The following INO80 variants were observed in gnomAD, a reference collection of about 807,000 sequenced individuals.
The protein encoded by INO80 is INO80 complex ATPase subunit, also known as chromatin-remodeling ATPase INO80.
A neutral mutation model predicts 203.4 loss-of-function variants in INO80; 20 were observed. The ratio of observed to expected loss-of-function variants is 0.10; its 90% CI spans 0.07 to 0.14. INO80 has a LOEUF of 0.14. Ranked by LOEUF, INO80 falls within the 10% of genes least tolerant of loss-of-function variation. INO80 has a pLI of 1.00. For synonymous variants in INO80, 726 were observed against 685.2 expected (o/e 1.06, Z -0.93); for missense variants, 1,419 against 1,914.4 (o/e 0.74, Z 4.83).
chr15:41,079,067 AG>A (rs2140621597), intron 9 of INO80, among the ~76,000 whole-genome samples: 1 of 152,250 alleles, frequency 6.6e-6, no homozygotes, highest in African/African-American at 2.4e-5. Context: ...TGAATGTGGG[AG>A]GCAAAGGTTG....
At position 40,985,362 on chromosome 15, in the gene INO80, CCGCTTG is replaced by C. The variant is rs776926795; in HGVS notation, c.3891_3896del (p.Lys1300_Arg1301del). The C allele has an allele frequency of 6.2e-7, 1 of 1,614,028 alleles. No individual in the cohort carries two copies. The highest frequency in any genetic ancestry group is 1.1e-5 in the South Asian group (1 of 91,072). Reference sequence around the variant, plus strand: ...CCTTCTCTGCATACTTTTCCCGCTTCCGCTTGCGCTCTTTCACTCGGTTGGTTTCCT... The same window carrying C: ...CCTTCTCTGCATACTTTTCCCGCTTCCGCTCTTTCACTCGGTTGGTTTCCT... On this transcript the variant is annotated inframe_deletion, in exon 32 of 36. Transcript: ENST00000648947.
At chr15:41,081,830 C>A (rs1566941930) in intron 7 of INO80, among the ~76,000 whole-genome samples, 1 of 152,112 alleles carries the variant, frequency 6.6e-6, no homozygotes, top group East Asian at 1.9e-4. Context: ...AAAGCCATTT[C>A]TTTAATGTTT....
intron 24 of INO80, among the ~76,000 whole-genome samples, chr15:41,029,013 T>C (rs924255179): frequency 2.6e-5 from 4 of 152,238 alleles, no homozygotes; most frequent in Non-Finnish European, 5.9e-5. Context: ...CCTTCCTCAG[T>C]ATGTTATTCG....
rs368182139 is a variant in INO80 at position 40,983,821 on chromosome 15, T to G, written c.4178A>C (p.Gln1393Pro). ...TGCGGGAGAGTTGGTAGCTCGAGAC[T>G]GAGGGGCTGAGGAGGCTGGGTCATC... is the stretch of plus-strand genomic sequence containing the variant. The part of the protein sequence containing the change: ...IVDDPASSAP[Q>P]SRATNSPASI... The change falls in exon 34 of 36, where the codon CAG becomes CCG. Residue 1393 changes from glutamine to proline, a missense_variant. Transcript: ENST00000648947. The G allele has an allele frequency of 2.5e-5, 41 of 1,612,886 alleles. No individual in the cohort carries two copies. In the African/African-American group the frequency reaches 4.9e-4, roughly 19 times the overall value.
intron 26 of INO80, chr15:41,017,909 C>A (rs1252184852): frequency 2.6e-5 from 4 of 152,184 alleles, no homozygotes; most frequent in Admixed American, 1.3e-4. Flanking sequence ...AAGCCCTCTC[C>A]CTGGCACCAG....
intron 4 of INO80, among the ~76,000 whole-genome samples, chr15:41,092,425 C>T (rs2045658982): frequency 6.6e-6 from 1 of 152,084 alleles, no homozygotes; most frequent in Non-Finnish European, 1.5e-5. Flanking sequence ...GCTAAAAATT[C>T]CTCTGAATAC....
rs553796456 is a variant in INO80 at position 41,055,368 on chromosome 15, T to C, written c.2071-4A>G. The C allele has an allele frequency of 6.3e-7, 1 of 1,585,268 alleles. No homozygotes were observed. Among genetic ancestry groups the C allele is most frequent in the Admixed American group, 1.7e-5 (1 of 59,216 alleles). Reference sequence around the variant, plus strand: ...TGAAATGCAGCAGAGCCCAAAGCTGTAAACAAAGACAAAAATGAAATAGCT... The same window carrying C: ...TGAAATGCAGCAGAGCCCAAAGCTGCAAACAAAGACAAAAATGAAATAGCT... On this transcript the variant is annotated splice_polypyrimidine_tract_variant and splice_region_variant and intron_variant, in intron 17 of 35. Transcript: ENST00000648947.
At chr15:41,068,523 T>G (rs769461173) in intron 14 of INO80, among the ~76,000 whole-genome samples, 6 of 151,602 alleles carry the variant, frequency 4.0e-5, no homozygotes, top group Non-Finnish European at 5.9e-5. Context: ...TTTGCACCAT[T>G]ACACTCTAGC....
At chr15:40,981,681 CTCTT>C (rs1893837246) in intron 35 of INO80, among the ~76,000 whole-genome samples, 1 of 152,200 alleles carries the variant, frequency 6.6e-6, no homozygotes, top group South Asian at 2.1e-4. Context: ...AAGTGGCTCT[CTCTT>C]TCTCACCACA....
chr15:41,019,933 T>C (rs2044264891), intron 26 of INO80, among the ~76,000 whole-genome samples: 1 of 152,166 alleles, frequency 6.6e-6, no homozygotes, highest in African/African-American at 2.4e-5. Context: ...GTAAAAGGGA[T>C]ATAGTTGGCC....
At position 41,106,605 on chromosome 15, in the gene INO80, G is replaced by A. The variant is rs2045884126; in HGVS notation, c.-44+9368C>T. 2.0e-5 allele frequency among the ~76,000 whole-genome samples: 3 copies of A among 152,000 alleles called. No homozygotes were observed. The South Asian group carries it at 6.2e-4, about 32-fold the overall frequency. ...AGCATGCCATTGCACTCCAGCCTGG[G>A]TGACAGGGCAAGACCCCTGTCTCAA... On this transcript the variant is annotated intron_variant, in intron 1 of 35. Transcript: ENST00000648947.
chr15:41,100,356 G>T (rs1235721935), intron 1 of INO80, among the ~76,000 whole-genome samples: 1 of 152,148 alleles, frequency 6.6e-6, no homozygotes, highest in Non-Finnish European at 1.5e-5. Flanking sequence ...TTACAGGTGT[G>T]AGCCACTGTG....
rs564922126 is a variant in INO80 at position 41,020,958 on chromosome 15, T to G, written c.3216A>C (p.Pro1072=). ...LNRRSQFFPE[P]AGGLWSIRPQ... ...GTCTGATGCTCCACAGACCTCCAGC[T>G]GGCTCTGGGAAGAACTGTGATCGTC... The change falls in exon 26 of 36, where the codon CCA becomes CCC. Residue 1072 remains proline (P), a synonymous_variant. Coordinates refer to ENST00000648947, the MANE Select transcript of INO80 (RefSeq NM_017553.3). 3.2e-5 allele frequency: 51 copies of G among 1,614,074 alleles called. No individual in the cohort carries two copies. Among genetic ancestry groups the G allele is most frequent in the Non-Finnish European group, 4.2e-5 (50 of 1,180,024 alleles).
At chr15:41,107,212 T>C (rs1174864454) in intron 1 of INO80, among the ~76,000 whole-genome samples, 1 of 152,196 alleles carries the variant, frequency 6.6e-6, no homozygotes, top group Non-Finnish European at 1.5e-5. Context: ...AGTTTACTCT[T>C]AGGCCCAGAA....
intron 5 of INO80, among the ~76,000 whole-genome samples, chr15:41,089,037 A>G (rs1047172887): frequency 1.3e-5 from 2 of 151,592 alleles, no homozygotes; most frequent in Non-Finnish European, 2.9e-5. Context: ...AAAAATAAAA[A>G]AAATTAGCCA....
Position 41,083,575 on chromosome 15 carries a change from G to A in INO80, c.873+1794C>T, listed in dbSNP as rs143300762. Reference sequence around the variant, plus strand: ...ACAAAAATTAGCTGGGTGTGACGGCGCGCACCTGTAGTCCCAGCTACTCAG... The same window carrying A: ...ACAAAAATTAGCTGGGTGTGACGGCACGCACCTGTAGTCCCAGCTACTCAG... On this transcript the variant is annotated intron_variant, in intron 7 of 35. Transcript: ENST00000648947. Among the ~76,000 whole-genome samples the A allele has an allele frequency of 6.3e-4, 95 of 151,758 alleles. 3 individuals are homozygous for A. Among genetic ancestry groups the A allele is most frequent in the African/African-American group, 2.0e-3 (82 of 41,430 alleles).
chr15:41,076,609 G>A (rs1356524729), intron 9 of INO80, among the ~76,000 whole-genome samples: 2 of 152,042 alleles, frequency 1.3e-5, no homozygotes, highest in African/African-American at 4.8e-5. Flanking sequence ...AGGCATGGTA[G>A]CATGTACCTG....
chr15:41,073,088 T>G (rs1278064030), intron 11 of INO80, among the ~76,000 whole-genome samples: 1 of 152,108 alleles, frequency 6.6e-6, no homozygotes, highest in Non-Finnish European at 1.5e-5. Context: ...GAGTATGGTC[T>G]TTTTCATTAA....
At chr15:41,107,261 G>A (rs761588803) in intron 1 of INO80, among the ~76,000 whole-genome samples, 6 of 152,192 alleles carry the variant, frequency 3.9e-5, no homozygotes, top group South Asian at 4.1e-4. Flanking sequence ...GCCAAGGCAG[G>A]CGATCATTTG....
Sources: allele counts gnomAD v4.1 joint callset (sites outside exome capture counted in the v4.1 genomes callset), GRCh38; gene constraint gnomAD v4.1.1; transcripts MANE v1.5; gene names NCBI Gene and HGNC (gene_info 2026-07-23, HGNC 2026-07-21).